The following NLRC3 variants were observed in gnomAD, a reference collection of about 807,000 sequenced individuals.
NLRC3 encodes the protein NLR family CARD domain containing 3, also known as NLR family CARD domain-containing protein 3.
NLRC3 carries 87 observed loss-of-function variants against 91.6 expected under a neutral mutation model. That is an observed-to-expected ratio of 0.95 (90% CI 0.80 to 1.14). NLRC3 has a LOEUF of 1.14. Ranked by LOEUF, NLRC3 falls within the 50% of genes most tolerant of loss-of-function variation. NLRC3 has a pLI of 0.00. For synonymous variants in NLRC3, 694 were observed against 625.3 expected, an observed-to-expected ratio of 1.11 and a Z score of -1.64; for missense variants, 1,577 against 1,418.6, an observed-to-expected ratio of 1.11 and a Z score of -1.79.
intron 6 of NLRC3, among the ~76,000 whole-genome samples, chr16:3,559,721 T>A (rs1438838789): frequency 4.0e-5 from 6 of 150,850 alleles, no homozygotes; most frequent in Non-Finnish European, 8.9e-5. Flanking sequence ...TCACTGCAAC[T>A]TCTGCCTCCC....
intron 1 of NLRC3, among the ~76,000 whole-genome samples, chr16:3,569,990 A>G (rs2040041623): frequency 6.6e-6 from 1 of 152,182 alleles, no homozygotes; most frequent in South Asian, 2.1e-4. Flanking sequence ...TTTATTTCTC[A>G]TAACTCTCAA....
At chr16:3,550,189 A>G (rs2038920037) in intron 11 of NLRC3, among the ~76,000 whole-genome samples, 1 of 152,162 alleles carries the variant, frequency 6.6e-6, no homozygotes, top group Non-Finnish European at 1.5e-5. Context: ...TGGCTTCTCA[A>G]GGACACTTGG....
intron 15 of NLRC3, among the ~76,000 whole-genome samples, chr16:3,546,062 G>C (rs1354383439): frequency 6.6e-6 from 1 of 152,104 alleles, no homozygotes; most frequent in Non-Finnish European, 1.5e-5. Flanking sequence ...GGATGGCAGG[G>C]ACACAGAGGG....
At chr16:3,546,435 T>C (rs1158959481) in intron 15 of NLRC3, among the ~76,000 whole-genome samples, 1 of 149,848 alleles carries the variant, frequency 6.7e-6, no homozygotes, top group Non-Finnish European at 1.5e-5. Flanking sequence ...TGGGCACCTG[T>C]AATCCCAGCT....
intron 15 of NLRC3, among the ~76,000 whole-genome samples, chr16:3,546,036 G>A (rs1002925307): frequency 3.9e-5 from 6 of 152,140 alleles, no homozygotes; most frequent in South Asian, 2.1e-4. Flanking sequence ...GGCAGTGGAC[G>A]CAGAGGGAAT....
At chr16:3,576,662 G>T (rs866929157) in intron 1 of NLRC3, among the ~76,000 whole-genome samples, 1 of 141,212 alleles carries the variant, frequency 7.1e-6, no homozygotes, top group African/African-American at 2.5e-5. Flanking sequence ...TTTCTTTTTT[G>T]TTTTGTTTTG....
chr16:3,544,921 TG>T (rs1442677356), intron 15 of NLRC3: 1 of 152,500 alleles, frequency 6.6e-6, no homozygotes, highest in African/African-American at 2.4e-5. Context: ...CCTGAACTCC[TG>T]GGCTCAAGCA....
At position 3,546,073 on chromosome 16, in the gene NLRC3, G is replaced by C. The variant is rs546563559; in HGVS notation, c.2772-1744C>G. Among the ~76,000 whole-genome samples the C allele has an allele frequency of 3.9e-5, 6 of 152,192 alleles. No homozygotes were observed. In the South Asian group the frequency reaches 1.2e-3, roughly 32 times the overall value. On this transcript the variant is annotated intron_variant, in intron 15 of 19. Coordinates refer to ENST00000359128, the MANE Select transcript of NLRC3 (RefSeq NM_178844.4). ...GAGTGGATGGCAGGGACACAGAGGG[G>C]ACCGACCCAACAGGACTTGACAATG...
intron 1 of NLRC3, among the ~76,000 whole-genome samples, chr16:3,569,749 C>T (rs956469194): frequency 9.9e-5 from 15 of 152,040 alleles, no homozygotes; most frequent in Non-Finnish European, 1.5e-5. Context: ...GCCAGGCCTA[C>T]CCCTTCCTTG....
intron 2 of NLRC3, among the ~76,000 whole-genome samples, chr16:3,566,101 CAAAAAAAAAA>C (rs1027448717): frequency 6.6e-4 from 14 of 21,312 alleles, no homozygotes; most frequent in Admixed American, 1.8e-3. Context: ...GAGCAAAAAG[CAAAAAAAAAA>C]AAAAAAAAAA....
chr16:3,548,814 G>A (rs2038837794), intron 13 of NLRC3, 61 bp from the exon 14 acceptor site: 3 of 1,177,090 alleles, frequency 2.5e-6, no homozygotes, highest in Non-Finnish European at 2.4e-6. Flanking sequence ...TCCGGTCCTT[G>A]GTCACCAGGG....
intron 8 of NLRC3, among the ~76,000 whole-genome samples, chr16:3,555,097 GCA>G (rs1169574913): frequency 3.3e-5 from 5 of 152,058 alleles, no homozygotes; most frequent in Non-Finnish European, 5.9e-5. Context: ...GGGTGTGGTG[GCA>G]CATGCCTGTA....
chr16:3,560,477 C>G (rs1217588179), intron 6 of NLRC3, among the ~76,000 whole-genome samples: 3 of 152,124 alleles, frequency 2.0e-5, no homozygotes, highest in Non-Finnish European at 4.4e-5. Flanking sequence ...AAACTCACCT[C>G]CCTAGGTCTG....
At chr16:3,553,943 T>C (rs1240800812) in intron 9 of NLRC3, among the ~76,000 whole-genome samples, 1 of 151,334 alleles carries the variant, frequency 6.6e-6, no homozygotes, top group Non-Finnish European at 1.5e-5. Context: ...GACGGTGTTT[T>C]ACTATTTTGG....
intron 1 of NLRC3, among the ~76,000 whole-genome samples, chr16:3,572,746 C>G (rs2040143333): frequency 6.6e-6 from 1 of 152,148 alleles, no homozygotes; most frequent in African/African-American, 2.4e-5. Flanking sequence ...GGCGCGGTGA[C>G]TCACACCTGT....
intron 10 of NLRC3, 98 bp downstream of exon 10, chr16:3,552,098 A>AATCC: frequency 1.3e-6 from 1 of 764,628 alleles, no homozygotes; most frequent in Non-Finnish European, 2.3e-6. Flanking sequence ...CCTATCCATC[A>AATCC]ATCCATCCAT....
chr16:3,565,926 G>C (rs2039863179), intron 2 of NLRC3, among the ~76,000 whole-genome samples: 1 of 151,276 alleles, frequency 6.6e-6, no homozygotes, highest in Non-Finnish European at 1.5e-5. Flanking sequence ...AGTAGTCCCA[G>C]CTACTTGGGA....
intron 2 of NLRC3, among the ~76,000 whole-genome samples, chr16:3,565,722 C>G (rs2039853217): frequency 6.6e-6 from 1 of 151,964 alleles, no homozygotes. Context: ...ATACATTTGT[C>G]CAGACCCACA....
intron 17 of NLRC3, 28 bp from the exon 18 acceptor site, chr16:3,542,803 C>T: frequency 6.6e-7 from 1 of 1,521,488 alleles, no homozygotes; most frequent in African/African-American, 1.4e-5. Flanking sequence ...AAGCCTAAGG[C>T]ATGGGTACAG....
Sources: gnomAD v4.1 joint callset for allele counts (sites outside exome capture counted in the v4.1 genomes callset) on GRCh38, gnomAD v4.1.1 for gene constraint, MANE v1.5 for transcripts, NCBI Gene and HGNC (gene_info 2026-07-23, HGNC 2026-07-21) for gene names.